Variants in PER1 observed in about 807,000 individuals in gnomAD.
The protein encoded by PER1 is period circadian regulator 1.
A neutral mutation model predicts 125.9 loss-of-function variants in PER1; 87 were observed. The observed-to-expected ratio is 0.69, with a 90% CI of 0.58 to 0.83. The LOEUF (loss-of-function observed/expected upper bound fraction) is 0.83. Ranked by LOEUF, PER1 falls within the 40% of genes least tolerant of loss-of-function variation. The pLI is 0.00. For missense variants in PER1, 1,775 were observed against 1,722.8 expected, an observed-to-expected ratio of 1.03 and a Z score of -0.54; for synonymous variants, 801 against 714.7, an observed-to-expected ratio of 1.12 and a Z score of -1.93.
rs374208541 is a variant in PER1, at chr17:8,142,597, G to A, written c.3259+52C>T. ...CCGCCAAGACGGGGCCTGGGCTCCC[G>A]GCTCCCCAATCACTGCCCTACCCTG... On this transcript the variant is annotated intron_variant, in intron 20 of 22. Transcript: ENST00000317276. 2.6e-4 allele frequency: 419 copies of A among 1,596,428 alleles called. 2 individuals carry two copies. In the African/African-American group the frequency reaches 3.8e-3, roughly 14 times the overall value.
At chr17:8,146,168 C>T in intron 16 of PER1, 31 bp from the exon 17 acceptor site, 3 of 1,563,128 alleles carry the variant, frequency 1.9e-6, no homozygotes, top group Non-Finnish European at 2.6e-6. Flanking sequence ...AGTTACCATC[C>T]CCACCCCCAC....
intron 7 of PER1, 51 bp downstream of exon 7, chr17:8,149,207 CA>C: frequency 6.5e-7 from 1 of 1,535,858 alleles, no homozygotes; most frequent in African/African-American, 1.4e-5. Context: ...AAAACAAAAA[CA>C]AAAACAAAAA....
chr17:8,141,821 C>T lies in PER1; in HGVS notation c.3584G>A (p.Arg1195Gln), dbSNP rs746130596. 1.2e-5 allele frequency: 19 copies of T among 1,613,738 alleles called. No homozygotes were observed. In the East Asian group the frequency reaches 2.0e-4, roughly 17 times the overall value. Residue 1195 changes from arginine (R) to glutamine (Q), a missense_variant, in exon 22 of 23, where the codon CGG becomes CAG. Physicochemically the swap from Arg to Gln is conservative, Grantham distance 43 (BLOSUM62 1). Coordinates refer to ENST00000317276, the MANE Select transcript of PER1 (RefSeq NM_002616.3). ...TTCTCTCACCATCACATCAAGAGCC[C>T]GAGGCAGTTGGCCCTTCCGGACCCA... Reference protein sequence around the residue: ...HSWVRKGQLPRALDVMACVDC... With the variant: ...HSWVRKGQLPQALDVMACVDC...
At chr17:8,142,957 G>A (rs1003060962) in intron 19 of PER1, 122 bp from the exon 20 acceptor site, 9 of 743,760 alleles carry the variant, frequency 1.2e-5, no homozygotes, top group Admixed American at 2.4e-5. Context: ...TCCCCACTTC[G>A]TGACAGTAGG....
chr17:8,145,252 G>T (rs1567533777), intron 17 of PER1: 1 of 375,584 alleles, frequency 2.7e-6, no homozygotes, highest in Non-Finnish European at 4.7e-6. Context: ...AACTCTACTG[G>T]GATGACCCCG....
At position 8,142,800 on chromosome 17, in the gene PER1, A is replaced by C; in HGVS notation, c.3108T>G (p.Leu1036=). ...EVTESSNQDA[L]SGSSDLLELL... The stretch of plus-strand genomic sequence containing the variant: ...GTTCGAGCAGGTCACTGGAGCCGGA[A>C]AGTGCGTCCTGATTGGAGGACTCAG... The change falls in exon 20 of 23, where the codon CTT becomes CTG. Residue 1036 remains leucine, a synonymous_variant. Transcript: ENST00000317276. The C allele has an allele frequency of 6.2e-7, 1 of 1,611,828 alleles. No homozygotes were observed. The highest frequency in any genetic ancestry group is 8.5e-7 in the Non-Finnish European group (1 of 1,179,666).
At position 8,143,726 on chromosome 17, in the gene PER1, G is replaced by T; in HGVS notation, c.2612C>A (p.Pro871Gln). ...PVPPSTPWPT[P>Q]PATTPFPAVV... ...CGCTGGGAAGGGGGTAGTGGCTGGT[G>T]GGGTGGGCCAGGGGGTGGAGGGTGG... Residue 871 changes from proline (P) to glutamine (Q), a missense_variant, in exon 19 of 23, where the codon CCA becomes CAA. By Grantham distance (76) the Pro-to-Gln change is moderately conservative. Coordinates refer to ENST00000317276, the MANE Select transcript of PER1 (RefSeq NM_002616.3). The T allele has an allele frequency of 6.5e-7, 1 of 1,538,542 alleles. No individual in the cohort carries two copies. Among genetic ancestry groups the T allele is most frequent in the East Asian group, 2.3e-5 (1 of 42,590 alleles).
Position 8,143,461 on chromosome 17 carries a change from G to A in PER1, c.2877C>T (p.Pro959=), listed in dbSNP as rs766667752. 3.4e-5 allele frequency: 54 copies of A among 1,604,728 alleles called. No homozygotes were observed. Among genetic ancestry groups the A allele is most frequent in the East Asian group, 1.1e-4 (5 of 44,740 alleles). ...GGTGAGGAGGACTCGGGGCGAGGGC[G>A]GGCAAGGATGGAGAAGGGGAGTGCG... is the stretch of plus-strand genomic sequence containing the variant. ...PASHSPSPSL[P]ALAPSPPHRP... The change falls in exon 19 of 23, where the codon CCC becomes CCT. Residue 959 remains proline (P), a synonymous_variant. Transcript: ENST00000317276.
Position 8,142,275 on chromosome 17 carries a change from G to T in PER1, c.3443C>A (p.Pro1148His). 6.3e-7 allele frequency: 1 copy of T among 1,589,974 alleles called. No homozygotes were observed. Among genetic ancestry groups the T allele is most frequent in the South Asian group, 1.1e-5 (1 of 87,782 alleles). The change falls in exon 21 of 23, where the codon CCC (proline) becomes CAC (histidine). Residue 1148 changes from proline to histidine, a missense_variant. Coordinates refer to ENST00000317276, the MANE Select transcript of PER1 (RefSeq NM_002616.3). ...DQRVMMTYQVPSRDMTSVLKQ... is the reference protein window; with the variant it reads ...DQRVMMTYQVHSRDMTSVLKQ... ...GGCCTCTGAAATGCCTCACCTGGAGGGCACCTGGTAGGTCATCATGACGCG... is the reference window on the plus strand; with the variant it reads ...GGCCTCTGAAATGCCTCACCTGGAGTGCACCTGGTAGGTCATCATGACGCG...
At position 8,140,941 on chromosome 17, in the gene PER1, C is replaced by G. The variant is rs892696949; in HGVS notation, c.*127G>C. ...TCCTAGGCTGGTGATGGGGGTCCGG[C>G]CCCCTATGGTGGGAGAAGCTGGGGC... On this transcript the variant is annotated 3_prime_UTR_variant, in exon 23 of 23. Coordinates refer to ENST00000317276, the MANE Select transcript of PER1 (RefSeq NM_002616.3). 21 of 1,113,304 alleles carry G rather than the reference C, an allele frequency of 1.9e-5. No homozygotes were observed. The highest frequency in any genetic ancestry group is 2.7e-5 in the Non-Finnish European group (21 of 771,702). 69.0% of individuals were successfully genotyped at this position (1,113,304 alleles called of 1,614,324 possible). A position where few individuals can be genotyped will look rare whatever the true frequency, so the allele number is the denominator to read the frequency against.
chr17:8,147,216 C>A (rs766017124), intron 13 of PER1, 34 bp downstream of exon 13: 1 of 1,578,482 alleles, frequency 6.3e-7, no homozygotes, highest in Non-Finnish European at 8.6e-7. Context: ...GGGGAAAGGG[C>A]GATTAGAGGG....
rs763063560 is a variant in PER1 at position 8,142,796 on chromosome 17, C to A, written c.3112G>T (p.Gly1038Cys). ...AGAAGTTCGAGCAGGTCACTGGAGC[C>A]GGAAAGTGCGTCCTGATTGGAGGAC... The part of the protein sequence containing the change: ...TESSNQDALS[G>C]SSDLLELLLQ... Residue 1038 changes from glycine to cysteine, a missense_variant, in exon 20 of 23, where the codon GGC (glycine) becomes TGC (cysteine). Gly to Cys is a radical substitution (Grantham distance 159). Coordinates refer to ENST00000317276, the MANE Select transcript of PER1 (RefSeq NM_002616.3). The A allele has an allele frequency of 5.6e-6, 9 of 1,611,814 alleles. No individual in the cohort carries two copies. The highest frequency in any genetic ancestry group is 1.1e-5 in the South Asian group (1 of 91,014).
At position 8,148,632 on chromosome 17, in the gene PER1, T is replaced by C. The variant is rs1982613173; in HGVS notation, c.1048+12A>G. On this transcript the variant is annotated intron_variant, in intron 8 of 22. Transcript: ENST00000317276. ...CCCAGCCCCCACCAGGCCAGGGCCC[T>C]GACCTGCCCACCTTCGTAACCCGAA... The C allele has an allele frequency of 6.3e-7, 1 of 1,597,106 alleles. No individual in the cohort carries two copies. The highest frequency in any genetic ancestry group is 1.8e-5 in the Admixed American group (1 of 55,254).
chr17:8,147,215 G>A (rs755600165), intron 13 of PER1, 35 bp downstream of exon 13: 2 of 1,578,270 alleles, frequency 1.3e-6, no homozygotes, highest in East Asian at 2.3e-5. Flanking sequence ...AGGGGAAAGG[G>A]CGATTAGAGG....
chr17:8,143,260 G>A lies in PER1; in HGVS notation c.3072+6C>T. ...CTGGCAGGCAGACGCAGGGGTCAGT[G>A]CTCACCAGTCTGGCCTCTGGCTCAG... is the stretch of plus-strand genomic sequence containing the variant. On this transcript the variant is annotated splice_donor_region_variant and intron_variant, in intron 19 of 22. Transcript: ENST00000317276. 6.6e-7 allele frequency: 1 copy of A among 1,521,800 alleles called. No individual in the cohort carries two copies. The highest frequency in any genetic ancestry group is 1.3e-5 in the South Asian group (1 of 77,790). The allele number at this position is 1,521,800 out of a possible 1,614,324, so 94.3% of individuals were successfully genotyped here. A position where few individuals can be genotyped will look rare whatever the true frequency, so the allele number is the denominator to read the frequency against.
At position 8,147,738 on chromosome 17, in the gene PER1, C is replaced by T. The variant is rs1378881026; in HGVS notation, c.1324G>A (p.Ala442Thr). 1 of 1,613,986 alleles carries T rather than the reference C, an allele frequency of 6.2e-7. No individual in the cohort carries two copies. Among genetic ancestry groups the T allele is most frequent in the East Asian group, 2.2e-5 (1 of 44,896 alleles). ...CGGCTCCAGGGGTGCACAAAGCCAG[C>T]CCAGCTGGTGTCCATGGTGACATAC... ...GEYVTMDTSW[A>T]GFVHPWSRKV... The change falls in exon 11 of 23, where the codon GCT becomes ACT. Residue 442 changes from alanine to threonine, a missense_variant. Coordinates refer to ENST00000317276, the MANE Select transcript of PER1 (RefSeq NM_002616.3).
chr17:8,146,846 C>A (rs1205697162), intron 14 of PER1, 51 bp downstream of exon 14: 2 of 1,604,794 alleles, frequency 1.2e-6, no homozygotes, highest in Admixed American at 1.7e-5. Context: ...GGGTGAAGGT[C>A]AGGGGACCCC....
chr17:8,141,349 G>C lies in PER1; in HGVS notation c.3601-9C>G. On this transcript the variant is annotated splice_polypyrimidine_tract_variant and intron_variant, in intron 22 of 22. Coordinates refer to ENST00000317276, the MANE Select transcript of PER1 (RefSeq NM_002616.3). ...CCACAGTCCACACAGGCCTTGGTGAGAGAAATGGACATGAGAGAGTCAGAC... is the reference window on the plus strand; with the variant it reads ...CCACAGTCCACACAGGCCTTGGTGACAGAAATGGACATGAGAGAGTCAGAC... 1 of 1,594,824 alleles carries C rather than the reference G, an allele frequency of 6.3e-7. No individual in the cohort carries two copies. Among genetic ancestry groups the C allele is most frequent in the Non-Finnish European group, 8.6e-7 (1 of 1,168,710 alleles).
chr17:8,143,357 C>CG lies in PER1; in HGVS notation c.2980dup (p.Arg994ProfsTer3). 6.2e-7 allele frequency: 1 copy of CG among 1,612,534 alleles called. No individual in the cohort carries two copies. On this transcript the variant is annotated frameshift_variant, in exon 19 of 23. Transcript: ENST00000317276. LOFTEE classifies it high-confidence loss of function. ...TCCTGCAACAGCAGCCCCCTCAGCA[C>CG]GGGGGAGCTCCTCCAGCTGCAGCAG...
Sources: allele counts gnomAD v4.1 joint callset, GRCh38; gene constraint gnomAD v4.1.1; transcripts MANE v1.5; gene names NCBI Gene and HGNC (gene_info 2026-07-23, HGNC 2026-07-21).